The following RGS6 variants were observed in gnomAD, a reference collection of about 807,000 sequenced individuals.
RGS6 encodes regulator of G-protein signaling 6.
In RGS6, 30 loss-of-function variants were observed where a neutral mutation model predicts 78.5. The ratio of observed to expected loss-of-function variants is 0.38; its 90% CI spans 0.29 to 0.52. The LOEUF (loss-of-function observed/expected upper bound fraction) is 0.52. RGS6 is among the 20% of genes least tolerant of loss of function. The pLI is 0.85. For missense variants in RGS6, 495 were observed against 609.7 expected (o/e 0.81, Z 1.98); for synonymous variants, 206 against 206.0 (o/e 1.00, Z 0.00).
At chr14:71,977,018 A>G (rs2094169551) in intron 2 of RGS6, among the ~76,000 whole-genome samples, 1 of 122,380 alleles carries the variant, frequency 8.2e-6, no homozygotes, top group Non-Finnish European at 1.8e-5. Flanking sequence ...GCCAGTGATG[A>G]TGAGCATTTT....
intron 15 of RGS6, among the ~76,000 whole-genome samples, chr14:72,519,869 G>T (rs2097009655): frequency 2.0e-5 from 3 of 152,080 alleles, no homozygotes; most frequent in Admixed American, 2.0e-4. Flanking sequence ...ACAAGAAGAG[G>T]GATACTGGTC....
intron 2 of RGS6, among the ~76,000 whole-genome samples, chr14:72,145,074 G>T (rs925126103): frequency 6.6e-6 from 1 of 152,088 alleles, no homozygotes; most frequent in African/African-American, 2.4e-5. Flanking sequence ...AATTGGTTGA[G>T]CCACATTACT....
At chr14:72,252,845 A>G (rs1331840606) in intron 2 of RGS6, among the ~76,000 whole-genome samples, 1 of 152,218 alleles carries the variant, frequency 6.6e-6, no homozygotes, top group Non-Finnish European at 1.5e-5. Flanking sequence ...GACATGTTCT[A>G]GATTCATGGT....
intron 15 of RGS6, among the ~76,000 whole-genome samples, chr14:72,535,766 C>T (rs2097242154): frequency 1.3e-5 from 2 of 152,306 alleles, no homozygotes; most frequent in South Asian, 4.1e-4. Flanking sequence ...TTTGTCATTT[C>T]AAGAATGTTA....
At chr14:71,913,967 G>C in the RGS6 span, among the ~76,000 whole-genome samples, 1 of 152,216 alleles carries the variant, frequency 6.6e-6, no homozygotes, top group Non-Finnish European at 1.5e-5. Flanking sequence ...TCAAAATCCA[G>C]TGGAACTGTT....
intron 2 of RGS6, among the ~76,000 whole-genome samples, chr14:72,079,488 G>A (rs2094727217): frequency 6.6e-6 from 1 of 152,098 alleles, no homozygotes; most frequent in South Asian, 2.1e-4. Context: ...CACTGGCTAA[G>A]GTAAGCTAAT....
chr14:71,954,484 A>G (rs549747572), intron 1 of RGS6, among the ~76,000 whole-genome samples: 3 of 152,314 alleles, frequency 2.0e-5, no homozygotes, highest in South Asian at 2.1e-4. Context: ...CTTATGGGGT[A>G]CATGAGATAT....
chr14:72,545,495 A>G (rs1320553796), intron 17 of RGS6, among the ~76,000 whole-genome samples: 1 of 150,990 alleles, frequency 6.6e-6, no homozygotes, highest in Non-Finnish European at 1.5e-5. Flanking sequence ...AATGACTTGG[A>G]CTAGGTCGTC....
At chr14:72,193,195 T>C (rs1402192461) in intron 2 of RGS6, among the ~76,000 whole-genome samples, 4 of 152,162 alleles carry the variant, frequency 2.6e-5, no homozygotes, top group African/African-American at 9.6e-5. Flanking sequence ...GGTTTCGCCA[T>C]GTTGGCCAGG....
intron 2 of RGS6, among the ~76,000 whole-genome samples, chr14:72,279,003 C>T (rs2061155054): frequency 6.6e-6 from 1 of 152,074 alleles, no homozygotes; most frequent in African/African-American, 2.4e-5. Flanking sequence ...CTTATAAGGA[C>T]ACTCATCCTA....
intron 2 of RGS6, among the ~76,000 whole-genome samples, chr14:72,281,165 T>TG (rs1382517212): frequency 6.8e-6 from 1 of 146,470 alleles, no homozygotes; most frequent in Non-Finnish European, 1.5e-5. Flanking sequence ...TTTTTTTTTT[T>TG]GGAGACATAG....
intron 2 of RGS6, among the ~76,000 whole-genome samples, chr14:72,206,119 C>T: frequency 6.6e-6 from 1 of 151,940 alleles, no homozygotes; most frequent in East Asian, 1.9e-4. Context: ...TATAATAGAC[C>T]AGGTAAATCA....
At chr14:72,313,431 A>T (rs1033285866) in intron 2 of RGS6, among the ~76,000 whole-genome samples, 3 of 152,334 alleles carry the variant, frequency 2.0e-5, no homozygotes, top group African/African-American at 7.2e-5. Context: ...CACTCAGTAG[A>T]GACCGCTTGC....
intron 2 of RGS6, among the ~76,000 whole-genome samples, chr14:72,063,263 G>A (rs2093980236): frequency 6.6e-6 from 1 of 152,188 alleles, no homozygotes; most frequent in East Asian, 1.9e-4. Context: ...AGCCATTGAG[G>A]AGAGAGGACA....
chr14:72,541,087 A>T (rs751255421), intron 17 of RGS6: 2 of 1,356,518 alleles, frequency 1.5e-6, no homozygotes, highest in Non-Finnish European at 1.9e-6. Flanking sequence ...TACCATGAAC[A>T]TCAAACCAGA....
intron 2 of RGS6, among the ~76,000 whole-genome samples, chr14:71,981,147 C>G (rs1302043918): frequency 3.4e-5 from 5 of 147,094 alleles, no homozygotes; most frequent in African/African-American, 2.5e-5. Flanking sequence ...ATTGATTATT[C>G]TAGTTATACA....
intron 14 of RGS6, among the ~76,000 whole-genome samples, chr14:72,512,186 C>T (rs369661526): frequency 1.7e-4 from 26 of 152,208 alleles, no homozygotes; most frequent in Middle Eastern, 3.4e-3. Flanking sequence ...CCTCTAAGCC[C>T]GTAAGTAGCC....
chr14:71,959,293 A>AT (rs1457696098), intron 1 of RGS6, among the ~76,000 whole-genome samples: 5 of 151,876 alleles, frequency 3.3e-5, no homozygotes, highest in South Asian at 2.1e-4. Context: ...CATCTTGTAA[A>AT]TTTTTTTTCC....
At position 72,522,207 on chromosome 14, in the gene RGS6, G is replaced by A. The variant is rs182420370; in HGVS notation, c.1278+3670G>A. 2.5e-4 allele frequency among the ~76,000 whole-genome samples: 38 copies of A among 152,242 alleles called. No individual in the cohort carries two copies. The East Asian group carries it at 5.0e-3, about 20-fold the overall frequency. Reference sequence around the variant, plus strand: ...CTCACTTCCTGGCTTGCAGGTGGCCGCCTTCTTGCTGTGTCCTTATAACTC... The same window carrying A: ...CTCACTTCCTGGCTTGCAGGTGGCCACCTTCTTGCTGTGTCCTTATAACTC... On this transcript the variant is annotated intron_variant, in intron 15 of 17. Coordinates refer to ENST00000553525, the MANE Select transcript of RGS6 (RefSeq NM_001204424.2).
Sources: gnomAD v4.1 joint callset for allele counts (sites outside exome capture counted in the v4.1 genomes callset) on GRCh38, gnomAD v4.1.1 for gene constraint, MANE v1.5 for transcripts, NCBI Gene and HGNC (gene_info 2026-07-23, HGNC 2026-07-21) for gene names.